GRM1: variants seen among roughly 807,000 people sequenced by gnomAD.
GRM1 encodes glutamate metabotropic receptor 1.
Under a neutral mutation model 90.9 loss-of-function variants are expected in GRM1, and 33 were observed. That is an observed-to-expected ratio of 0.36 (90% CI 0.28 to 0.49). The LOEUF (loss-of-function observed/expected upper bound fraction) is 0.49, where lower values mean the gene tolerates loss of function less well. Among genes scored for constraint, GRM1 ranks in the 20% least tolerant of loss-of-function variants. The pLI is 0.99. For synonymous variants in GRM1, 700 were observed against 613.2 expected (o/e 1.14, Z -2.09); for missense variants, 1,190 against 1,534.3 (o/e 0.78, Z 3.75).
chr6:146,112,900 A>C (rs1775613168), intron 1 of GRM1, among the ~76,000 whole-genome samples: 1 of 152,152 alleles, frequency 6.6e-6, no homozygotes, highest in Non-Finnish European at 1.5e-5. Context: ...ATTTAAAAAC[A>C]TTTGTTTGAT....
intron 1 of GRM1, among the ~76,000 whole-genome samples, chr6:146,094,456 T>C (rs1776812294): frequency 6.6e-6 from 1 of 152,170 alleles, no homozygotes; most frequent in Non-Finnish European, 1.5e-5. Context: ...TGTTCTGGAA[T>C]CAATCACAAA....
rs371415483 is a variant in GRM1 at position 146,137,619 on chromosome 6, C to T, written c.701-21729C>T. On this transcript the variant is annotated intron_variant, in intron 1 of 7. Coordinates refer to ENST00000282753, the MANE Select transcript of GRM1 (RefSeq NM_001278064.2). ...TGTGATTCCTCAATTTTTTTTCCCTCAGGATAGCTTTGGCTATTCTGGGTC... is the reference window on the plus strand; with the variant it reads ...TGTGATTCCTCAATTTTTTTTCCCTTAGGATAGCTTTGGCTATTCTGGGTC... Among the ~76,000 whole-genome samples, 15 of 152,006 alleles carry T rather than the reference C, an allele frequency of 9.9e-5. No homozygotes were observed. The East Asian group carries it at 1.2e-3, about 12-fold the overall frequency.
chr6:146,243,883 C>T (rs557656484), intron 2 of GRM1, among the ~76,000 whole-genome samples: 1 of 152,118 alleles, frequency 6.6e-6, no homozygotes, highest in Non-Finnish European at 1.5e-5. Flanking sequence ...CCAGAGCAGC[C>T]ATTTCAGAGA....
At chr6:146,298,775 G>T (rs1032584971) in intron 2 of GRM1, among the ~76,000 whole-genome samples, 1 of 152,064 alleles carries the variant, frequency 6.6e-6, no homozygotes, top group African/African-American at 2.4e-5. Flanking sequence ...CTCTAGTTTT[G>T]CTCTCAGAAG....
At chr6:146,203,343 C>CG (rs1286646714) in intron 2 of GRM1, among the ~76,000 whole-genome samples, 2 of 151,838 alleles carry the variant, frequency 1.3e-5, no homozygotes, top group African/African-American at 2.4e-5. Context: ...TTCCCTCTGT[C>CG]GGGGGTTCAT....
At chr6:146,220,723 C>G (rs1177997809) in intron 2 of GRM1, among the ~76,000 whole-genome samples, 2 of 152,020 alleles carry the variant, frequency 1.3e-5, no homozygotes, top group African/African-American at 4.8e-5. Flanking sequence ...CAGACACTGT[C>G]CCTGTCCTCA....
chr6:146,241,671 A>G (rs945795521), intron 2 of GRM1, among the ~76,000 whole-genome samples: 3 of 152,062 alleles, frequency 2.0e-5, no homozygotes, highest in Admixed American at 1.3e-4. Flanking sequence ...ATTCTCCACC[A>G]GCTTTCAGCC....
In GRM1 at chr6:146,434,360, C is replaced by A; in HGVS notation, c.3149C>A (p.Ala1050Glu). The change falls in exon 8 of 8, where the codon GCG becomes GAG. Residue 1050 changes from alanine (A) to glutamate (E), a missense_variant. Ala to Glu is a moderately radical substitution (Grantham distance 107). This residue lies in a region of GRM1 where 400 missense variants were observed against 360.8 expected (regional missense o/e 1.11). Coordinates refer to ENST00000282753, the MANE Select transcript of GRM1 (RefSeq NM_001278064.2). ...AGTACCGCGATCCCGGATTTTCACGCGGTGCTGGCAGGCCCCGGTGGTCCC... is the reference window on the plus strand; with the variant it reads ...AGTACCGCGATCCCGGATTTTCACGAGGTGCTGGCAGGCCCCGGTGGTCCC... Reference protein sequence around the residue: ...NFSTAIPDFHAVLAGPGGPGN... With the variant: ...NFSTAIPDFHEVLAGPGGPGN... 6.2e-7 allele frequency: 1 copy of A among 1,612,576 alleles called. No homozygotes were observed. Among genetic ancestry groups the A allele is most frequent in the South Asian group, 1.1e-5 (1 of 91,002 alleles).
chr6:146,057,586 T>C (rs1442900756), intron 1 of GRM1, among the ~76,000 whole-genome samples: 1 of 152,128 alleles, frequency 6.6e-6, no homozygotes, highest in Non-Finnish European at 1.5e-5. Flanking sequence ...AATCAATCTC[T>C]TAACTCATTC....
intron 1 of GRM1, among the ~76,000 whole-genome samples, chr6:146,051,558 T>C (rs1353426518): frequency 6.6e-6 from 1 of 152,108 alleles, no homozygotes; most frequent in African/African-American, 2.4e-5. Flanking sequence ...TTTAATATGC[T>C]CCTGTTAAAA....
chr6:146,123,647 T>C (rs1167472547), intron 1 of GRM1, among the ~76,000 whole-genome samples: 3 of 152,234 alleles, frequency 2.0e-5, no homozygotes, highest in Non-Finnish European at 4.4e-5. Flanking sequence ...CCCTGCTGTC[T>C]TTGATCTTGG....
intron 2 of GRM1, among the ~76,000 whole-genome samples, chr6:146,204,649 G>C (rs967040708): frequency 6.6e-6 from 1 of 152,188 alleles, no homozygotes; most frequent in African/African-American, 2.4e-5. Context: ...AAGTAATTCA[G>C]ATTTAATTTA....
chr6:146,100,710 GCCTT>G (rs1325766135), intron 1 of GRM1, among the ~76,000 whole-genome samples: 2 of 152,014 alleles, frequency 1.3e-5, no homozygotes, highest in Non-Finnish European at 2.9e-5. Flanking sequence ...GTTAACTTTG[GCCTT>G]TTTAACATAC....
At chr6:146,343,006 C>T (rs1198152925) in intron 3 of GRM1, among the ~76,000 whole-genome samples, 1 of 151,642 alleles carries the variant, frequency 6.6e-6, no homozygotes, top group Non-Finnish European at 1.5e-5. Context: ...GAATTCTATC[C>T]AGGATATCAC....
chr6:146,039,474 T>C (rs1009296224), intron 1 of GRM1, among the ~76,000 whole-genome samples: 4 of 151,940 alleles, frequency 2.6e-5, no homozygotes, highest in Non-Finnish European at 5.9e-5. Context: ...GACATACTTA[T>C]CAAGCCAAGA....
intron 1 of GRM1, among the ~76,000 whole-genome samples, chr6:146,034,577 G>T (rs1424544506): frequency 6.6e-6 from 1 of 151,870 alleles, no homozygotes; most frequent in African/African-American, 2.4e-5. Context: ...TCTAACATCA[G>T]TAAGTTCTGG....
chr6:146,046,908 G>T (rs1381516269), intron 1 of GRM1, among the ~76,000 whole-genome samples: 2 of 151,924 alleles, frequency 1.3e-5, no homozygotes, highest in Admixed American at 1.3e-4. Flanking sequence ...TTCCAGTAGG[G>T]ATATTGGGTA....
chr6:146,378,340 AGACACTCAACAGCAGCCCG>A (rs1219523431), intron 5 of GRM1, among the ~76,000 whole-genome samples: 11 of 152,220 alleles, frequency 7.2e-5, no homozygotes, highest in African/African-American at 2.4e-4. Context: ...GAAAAGCTGC[AGACACTCAACAGCAGCCCG>A]TGAAAGCAGC....
intron 7 of GRM1, among the ~76,000 whole-genome samples, chr6:146,413,465 T>G (rs938897628): frequency 1.3e-5 from 2 of 152,136 alleles, no homozygotes; most frequent in African/African-American, 4.8e-5. Flanking sequence ...CAGCATTTCT[T>G]TCCTTGCTTT....
Sources: allele counts gnomAD v4.1 joint callset (sites outside exome capture counted in the v4.1 genomes callset), GRCh38; gene constraint gnomAD v4.1.1; regional missense constraint gnomAD v4.1.1; transcripts MANE v1.5; gene names NCBI Gene and HGNC (gene_info 2026-07-23, HGNC 2026-07-21).